The following NWD1 variants were observed in gnomAD, a reference collection of about 807,000 sequenced individuals.
The protein encoded by NWD1 is NACHT and WD repeat domain containing 1.
NWD1 carries 129 observed loss-of-function variants against 135.1 expected under a neutral mutation model. That is an observed-to-expected ratio of 0.96 (90% CI 0.83 to 1.11). The LOEUF (loss-of-function observed/expected upper bound fraction) is 1.11. Ranked by LOEUF, NWD1 falls within the 50% of genes least tolerant of loss-of-function variation. The pLI is 0.00. For synonymous variants in NWD1, 773 were observed against 786.0 expected (o/e 0.98, Z 0.28); for missense variants, 1,740 against 1,851.3 (o/e 0.94, Z 1.10).
chr19:16,817,846 A>G lies in NWD1; in HGVS notation c.*2807A>G, dbSNP rs1971106905. The G allele has an allele frequency of 6.6e-6, 1 of 152,224 alleles. No individual in the cohort carries two copies. Among genetic ancestry groups the G allele is most frequent in the Non-Finnish European group, 1.5e-5 (1 of 68,038 alleles). The allele number at this position is 152,224 out of a possible 1,614,324, so 9.4% of individuals were successfully genotyped here. Reference sequence around the variant, plus strand: ...GATTTCACCTACAAATTCTGATTTTAAATGCCTGTGTCCATCTCCACAGCC... The same window carrying G: ...GATTTCACCTACAAATTCTGATTTTGAATGCCTGTGTCCATCTCCACAGCC... On this transcript the variant is annotated 3_prime_UTR_variant, in exon 19 of 19. Coordinates refer to ENST00000524140, the MANE Select transcript of NWD1 (RefSeq NM_001007525.5).
At chr19:16,720,347 G>A (rs1386479125) in intron 1 of NWD1, 54 bp downstream of exon 1, 1 of 152,220 alleles carries the variant, frequency 6.6e-6, no homozygotes, top group Non-Finnish European at 1.5e-5. Context: ...AGTGACTTAA[G>A]GGGTCACTAC....
chr19:16,778,328 G>C (rs1969727597), intron 11 of NWD1, among the ~76,000 whole-genome samples: 1 of 151,994 alleles, frequency 6.6e-6, no homozygotes, highest in Admixed American at 6.6e-5. Context: ...AGAGATCCTT[G>C]GGGTGTGTTT....
chr19:16,785,804 T>C (rs1167478050), intron 12 of NWD1, among the ~76,000 whole-genome samples: 1 of 149,054 alleles, frequency 6.7e-6, no homozygotes, highest in Non-Finnish European at 1.5e-5. Flanking sequence ...ATATATACTA[T>C]ATATATATTT....
At position 16,759,311 on chromosome 19, in the gene NWD1, C is replaced by A. The variant is rs763266746; in HGVS notation, c.1856C>A (p.Pro619His). 4 of 1,613,996 alleles carry A rather than the reference C, an allele frequency of 2.5e-6. No individual in the cohort carries two copies. In the East Asian group the frequency reaches 8.9e-5, roughly 36 times the overall value. Reference sequence around the variant, plus strand: ...GATGTGTACCGAGATTGGACCCCGCCCAGCAAGGAGCTGCTGCGCTTCCCG... The same window carrying A: ...GATGTGTACCGAGATTGGACCCCGCACAGCAAGGAGCTGCTGCGCTTCCCG... ...LQDVYRDWTP[P>H]SKELLRFPPL... The change falls in exon 7 of 19, where the codon CCC (proline) becomes CAC (histidine). Residue 619 changes from proline (P) to histidine (H), a missense_variant. By Grantham distance (77) the Pro-to-His change is moderately conservative. Coordinates refer to ENST00000524140, the MANE Select transcript of NWD1 (RefSeq NM_001007525.5).
At chr19:16,814,847 TC>T (rs1211797977) in intron 18 of NWD1, among the ~76,000 whole-genome samples, 180 bp from the exon 19 acceptor site, 1 of 152,182 alleles carries the variant, frequency 6.6e-6, no homozygotes, top group Non-Finnish European at 1.5e-5. Flanking sequence ...AGGTGTAGGT[TC>T]TGTTATCATT....
chr19:16,787,904 AATCATC>A (rs149004219), intron 12 of NWD1, among the ~76,000 whole-genome samples: 3,656 of 120,844 alleles, frequency 0.03, 88 homozygotes, highest in East Asian at 0.056. Context: ...TAATAATAAT[AATCATC>A]ATCATCATCA....
At chr19:16,767,165 GTCT>G (rs373629121) in intron 10 of NWD1, among the ~76,000 whole-genome samples, 1 of 131,754 alleles carries the variant, frequency 7.6e-6, no homozygotes, top group Non-Finnish European at 1.5e-5. Flanking sequence ...AAAGAGGTGC[GTCT>G]TTTTTTTTTT....
chr19:16,801,593 G>C (rs1281148484), intron 17 of NWD1: 1 of 152,120 alleles, frequency 6.6e-6, no homozygotes, highest in Non-Finnish European at 1.5e-5. Flanking sequence ...GCTCACATCT[G>C]TAGTCCAAGC....
chr19:16,721,877 G>T (rs1339443579), intron 1 of NWD1, among the ~76,000 whole-genome samples: 2 of 152,134 alleles, frequency 1.3e-5, no homozygotes, highest in African/African-American at 4.8e-5. Context: ...TTGGGAGGCT[G>T]AGGCAGGAGG....
At chr19:16,758,561 G>C (rs964088761) in intron 6 of NWD1, among the ~76,000 whole-genome samples, 6 of 152,200 alleles carry the variant, frequency 3.9e-5, no homozygotes, top group African/African-American at 1.4e-4. Flanking sequence ...ACAGGTGTGA[G>C]CCACCACGCC....
chr19:16,806,879 T>A (rs1045264887), intron 17 of NWD1, among the ~76,000 whole-genome samples: 4 of 151,476 alleles, frequency 2.6e-5, no homozygotes, highest in Non-Finnish European at 5.9e-5. Context: ...TAGCTGGGCG[T>A]GGTGGTGCGC....
At chr19:16,739,656 C>T (rs574272670) in intron 4 of NWD1, among the ~76,000 whole-genome samples, 45 of 152,232 alleles carry the variant, frequency 3.0e-4, no homozygotes, top group African/African-American at 9.9e-4. Context: ...TTTGTGGGGG[C>T]GCCTTCCACA....
chr19:16,808,906 A>C (rs1970836936), intron 18 of NWD1, among the ~76,000 whole-genome samples: 2 of 152,072 alleles, frequency 1.3e-5, no homozygotes, highest in African/African-American at 4.8e-5. Context: ...CAACATAGGG[A>C]GACCTTATCT....
intron 12 of NWD1, among the ~76,000 whole-genome samples, chr19:16,787,595 C>T (rs1970079187): frequency 6.6e-6 from 1 of 152,190 alleles, no homozygotes; most frequent in Non-Finnish European, 1.5e-5. Flanking sequence ...CACAGTGGCT[C>T]ACGCCTGTAA....
intron 12 of NWD1, 96 bp downstream of exon 12, chr19:16,779,561 C>G: frequency 8.4e-7 from 1 of 1,190,844 alleles, no homozygotes; most frequent in South Asian, 1.3e-5. Flanking sequence ...TGTATTGAAA[C>G]CCTGGCCTTT....
At chr19:16,806,000 G>A (rs1179917780) in intron 17 of NWD1, among the ~76,000 whole-genome samples, 1 of 151,852 alleles carries the variant, frequency 6.6e-6, no homozygotes, top group Non-Finnish European at 1.5e-5. Context: ...TCCCTTCCAA[G>A]TAGCTGGGAT....
chr19:16,814,999 C>T lies in NWD1; in HGVS notation c.4288-29C>T, dbSNP rs1331224459. 3.1e-6 allele frequency: 5 copies of T among 1,602,406 alleles called. No homozygotes were observed. The Admixed American group carries it at 5.1e-5, about 16-fold the overall frequency. Reference sequence around the variant, plus strand: ...TTGGACCTCTACACCCCATTTTTCTCATTTGTGTCCTTCTCTTCACCCTTA... The same window carrying T: ...TTGGACCTCTACACCCCATTTTTCTTATTTGTGTCCTTCTCTTCACCCTTA... On this transcript the variant is annotated intron_variant, in intron 18 of 18. Coordinates refer to ENST00000524140, the MANE Select transcript of NWD1 (RefSeq NM_001007525.5).
intron 16 of NWD1, among the ~76,000 whole-genome samples, chr19:16,798,192 T>G (rs149737863): frequency 6.6e-6 from 1 of 152,158 alleles, no homozygotes; most frequent in Non-Finnish European, 1.5e-5. Flanking sequence ...AGTTCAAAGT[T>G]GTCCAAGCTG....
chr19:16,736,791 A>G, intron 4 of NWD1, 41 bp downstream of exon 4: 1 of 1,141,566 alleles, frequency 8.8e-7, no homozygotes, highest in East Asian at 2.6e-5. Flanking sequence ...TTACTCCTCC[A>G]GGATATGCCC....
Sources: allele counts gnomAD v4.1 joint callset (sites outside exome capture counted in the v4.1 genomes callset), GRCh38; gene constraint gnomAD v4.1.1; transcripts MANE v1.5; gene names NCBI Gene and HGNC (gene_info 2026-07-23, HGNC 2026-07-21).